The following ANKS4B variants were observed in gnomAD, a reference collection of about 807,000 sequenced individuals.
The protein encoded by ANKS4B is ankyrin repeat and SAM domain-containing protein 4B.
A neutral mutation model predicts 20.2 loss-of-function variants in ANKS4B; 21 were observed. The ratio of observed to expected loss-of-function variants is 1.04; its 90% CI spans 0.74 to 1.50. The LOEUF (loss-of-function observed/expected upper bound fraction) is 1.50, where lower values mean the gene tolerates loss of function less well. Among genes scored for constraint, ANKS4B ranks in the 40% most tolerant of loss-of-function variants. The pLI is 0.00. For synonymous variants in ANKS4B, 179 were observed against 194.5 expected (o/e 0.92, Z 0.66); for missense variants, 473 against 494.6 (o/e 0.96, Z 0.41).
At position 21,250,940 on chromosome 16, in the gene ANKS4B, G is replaced by A; in HGVS notation, c.*120G>A. 7.1e-7 allele frequency: 1 copy of A among 1,402,000 alleles called. No individual in the cohort carries two copies. The highest frequency in any genetic ancestry group is 9.6e-7 in the Non-Finnish European group (1 of 1,046,202). 86.8% of individuals were successfully genotyped at this position (1,402,000 alleles called of 1,614,324 possible). On this transcript the variant is annotated 3_prime_UTR_variant, in exon 2 of 2. Coordinates refer to ENST00000311620, the MANE Select transcript of ANKS4B (RefSeq NM_145865.3). The stretch of plus-strand genomic sequence containing the variant: ...GAATGGATTCTAGGGCATCGGAAAT[G>A]CCTACCTGAGAGAGAGACCCAAACT...
rs757608549 is a variant in ANKS4B, at chr16:21,250,369, G to A, written c.803G>A (p.Arg268His). 9.3e-6 allele frequency: 15 copies of A among 1,614,070 alleles called. No homozygotes were observed. Among genetic ancestry groups the A allele is most frequent in the South Asian group, 6.6e-5 (6 of 91,076 alleles). ...GTGCACCATGAATCCATTCTCAATCGTCCAGGTCTAGGAAGTATTGTTTTT... is the reference window on the plus strand; with the variant it reads ...GTGCACCATGAATCCATTCTCAATCATCCAGGTCTAGGAAGTATTGTTTTT... ...GSVHHESILN[R>H]PGLGSIVFRR... is the part of the protein sequence containing the mutation. Residue 268 changes from arginine (R) to histidine (H), a missense_variant, in exon 2 of 2, where the codon CGT (arginine) becomes CAT (histidine). By Grantham distance (29) the Arg-to-His change is conservative. Transcript: ENST00000311620.
At chr16:21,243,587 T>G (rs1331757129) in intron 1 of ANKS4B, among the ~76,000 whole-genome samples, 1 of 152,198 alleles carries the variant, frequency 6.6e-6, no homozygotes, top group African/African-American at 2.4e-5. Flanking sequence ...TTGTTTTGTT[T>G]TTGAGACGGA....
At chr16:21,249,461 A>G (rs1209390049) in intron 1 of ANKS4B, among the ~76,000 whole-genome samples, 3 of 152,170 alleles carry the variant, frequency 2.0e-5, no homozygotes, top group African/African-American at 7.2e-5. Context: ...TGGGAGATAG[A>G]GTGAGAACCT....
intron 1 of ANKS4B, among the ~76,000 whole-genome samples, chr16:21,237,146 A>T (rs2093321175): frequency 6.6e-6 from 1 of 152,000 alleles, no homozygotes; most frequent in South Asian, 2.1e-4. Flanking sequence ...TCAGCCTCCT[A>T]AGTAGCTGGG....
rs1401076431 is a variant in ANKS4B, at chr16:21,251,678, G to GGTA, written c.*858_*859insGTA. The GGTA allele has an allele frequency of 6.6e-6, 1 of 152,146 alleles. No individual in the cohort carries two copies. Among genetic ancestry groups the GGTA allele is most frequent in the African/African-American group, 2.4e-5 (1 of 41,408 alleles). 9.4% of individuals were successfully genotyped at this position (152,146 alleles called of 1,614,324 possible). A position where few individuals can be genotyped will look rare whatever the true frequency, so the allele number is the denominator to read the frequency against. ...CTAACCCTTTAACAAATGTGTACATGTTTACAAGTAATGGAAATGCGTCTA... is the reference window on the plus strand; with the variant it reads ...CTAACCCTTTAACAAATGTGTACATGGTATTTACAAGTAATGGAAATGCGTCTA... On this transcript the variant is annotated 3_prime_UTR_variant, in exon 2 of 2. Transcript: ENST00000311620.
Position 21,250,028 on chromosome 16 carries a change from G to T in ANKS4B, c.462G>T (p.Gln154His), listed in dbSNP as rs369326714. 1 of 1,614,138 alleles carries T rather than the reference G, an allele frequency of 6.2e-7. No individual in the cohort carries two copies. The change falls in exon 2 of 2, where the codon CAG becomes CAT. Residue 154 changes from glutamine (Q) to histidine (H), a missense_variant. Physicochemically the swap from Gln to His is conservative, Grantham distance 24. Transcript: ENST00000311620. ...RRQIKECERL[Q>H]EKHQNKMAHT... is the part of the protein sequence containing the mutation. ...AGATCAAAGAGTGTGAGAGGCTCCAGGAGAAGCACCAAAATAAGATGGCCC... is the reference window on the plus strand; with the variant it reads ...AGATCAAAGAGTGTGAGAGGCTCCATGAGAAGCACCAAAATAAGATGGCCC...
intron 1 of ANKS4B, among the ~76,000 whole-genome samples, chr16:21,237,130 C>T (rs1447509461): frequency 2.0e-5 from 3 of 152,100 alleles, no homozygotes; most frequent in Non-Finnish European, 4.4e-5. Context: ...GAGCAATTTT[C>T]CTGCCTCAGC....
At chr16:21,233,937 G>T (rs767745521) in intron 1 of ANKS4B, 36 bp downstream of exon 1, 1 of 1,579,504 alleles carries the variant, frequency 6.3e-7, no homozygotes, top group South Asian at 1.2e-5. Flanking sequence ...TGGAAACAGT[G>T]TTCATGGTAG....
chr16:21,252,922 G>C lies in ANKS4B; in HGVS notation c.*2102G>C, dbSNP rs1473473823. 6.6e-6 allele frequency: 1 copy of C among 151,754 alleles called. No individual in the cohort carries two copies. 9.4% of individuals were successfully genotyped at this position (151,754 alleles called of 1,614,324 possible). On this transcript the variant is annotated 3_prime_UTR_variant, in exon 2 of 2. Coordinates refer to ENST00000311620, the MANE Select transcript of ANKS4B (RefSeq NM_145865.3). ...GCCTGTAATCCCAGCTACTTGGGAG[G>C]CTGAGGCAAGAGAATTGCTTGAACC...
chr16:21,234,521 C>CA (rs71151624), intron 1 of ANKS4B, among the ~76,000 whole-genome samples: 21,074 of 149,296 alleles, frequency 0.14, 1,884 homozygotes, highest in East Asian at 0.43. Flanking sequence ...CACACACACA[C>CA]CCCATCTCTT....
At chr16:21,247,151 C>T (rs148317937) in intron 1 of ANKS4B, among the ~76,000 whole-genome samples, 2 of 150,910 alleles carry the variant, frequency 1.3e-5, no homozygotes, top group South Asian at 2.1e-4. Flanking sequence ...CTGCAACCTC[C>T]GCCTCCGGGG....
intron 1 of ANKS4B, among the ~76,000 whole-genome samples, chr16:21,243,641 A>G (rs372003215): frequency 2.6e-5 from 4 of 151,976 alleles, no homozygotes; most frequent in Admixed American, 6.6e-5. Flanking sequence ...GTGTGATCTC[A>G]GCTCACTGCA....
At chr16:21,244,543 A>G (rs1178687151) in intron 1 of ANKS4B, among the ~76,000 whole-genome samples, 1 of 145,132 alleles carries the variant, frequency 6.9e-6, no homozygotes, top group African/African-American at 2.5e-5. Flanking sequence ...TCCTCCCAAT[A>G]ATTTTGTTTT....
chr16:21,250,198 A>C lies in ANKS4B; in HGVS notation c.632A>C (p.Lys211Thr), dbSNP rs1411918511. The C allele has an allele frequency of 6.2e-7, 1 of 1,614,204 alleles. No homozygotes were observed. Among genetic ancestry groups the C allele is most frequent in the Non-Finnish European group, 8.5e-7 (1 of 1,180,028 alleles). The change falls in exon 2 of 2, where the codon AAG (lysine) becomes ACG (threonine). Residue 211 changes from lysine (K) to threonine (T), a missense_variant. Coordinates refer to ENST00000311620, the MANE Select transcript of ANKS4B (RefSeq NM_145865.3). ...GACACTTTCAAGATCAAGTTCAAGA[A>C]GAACAAAGATACAGCAGAACAGGTG... ...IKDTFKIKFK[K>T]NKDTAEQVGK...
chr16:21,236,038 T>G (rs2093319874), intron 1 of ANKS4B, among the ~76,000 whole-genome samples: 1 of 152,190 alleles, frequency 6.6e-6, no homozygotes, highest in South Asian at 2.1e-4. Flanking sequence ...AGGAAATGCC[T>G]GGGCCTAGGT....
rs2093336629 is a variant in ANKS4B, at chr16:21,249,874, A to G, written c.308A>G (p.Asp103Gly). 2 of 1,614,050 alleles carry G rather than the reference A, an allele frequency of 1.2e-6. No individual in the cohort carries two copies. Among genetic ancestry groups the G allele is most frequent in the African/African-American group, 2.7e-5 (2 of 74,916 alleles). ...GATAATGACTTACAGACTCCACTGG[A>G]TGCTGCTGCCAGCAGGGAGCAGAAT... Reference protein sequence around the residue: ...ALDNDLQTPLDAAASREQNEC... With the variant: ...ALDNDLQTPLGAAASREQNEC... The change falls in exon 2 of 2, where the codon GAT becomes GGT. Residue 103 changes from aspartate to glycine, a missense_variant. Physicochemically the swap from Asp to Gly is moderately conservative, Grantham distance 94. Transcript: ENST00000311620.
rs550965040 is a variant in ANKS4B at position 21,249,866 on chromosome 16, T to G, written c.300T>G (p.Thr100=). Residue 100 remains threonine, a synonymous_variant, in exon 2 of 2, where the codon ACT becomes ACG. Coordinates refer to ENST00000311620, the MANE Select transcript of ANKS4B (RefSeq NM_145865.3). ...NIFALDNDLQ[T]PLDAAASREQ... ...TTGCCCTGGATAATGACTTACAGAC[T>G]CCACTGGATGCTGCTGCCAGCAGGG... 1 of 1,614,144 alleles carries G rather than the reference T, an allele frequency of 6.2e-7. No individual in the cohort carries two copies. Among genetic ancestry groups the G allele is most frequent in the African/African-American group, 1.3e-5 (1 of 75,030 alleles).
chr16:21,250,258 T>C lies in ANKS4B; in HGVS notation c.692T>C (p.Met231Thr), dbSNP rs781320911. 7 of 1,614,050 alleles carry C rather than the reference T, an allele frequency of 4.3e-6. No individual in the cohort carries two copies. Among genetic ancestry groups the C allele is most frequent in the Admixed American group, 3.3e-5 (2 of 59,998 alleles). ...GGCAGAAGTGGGCAGAGGAACGTGA[T>C]GGAAGTGTTCAGAGAGGAAGAGGAA... Reference protein sequence around the residue: ...KEGRSGQRNVMEVFREEEEDS... With the variant: ...KEGRSGQRNVTEVFREEEEDS... The change falls in exon 2 of 2, where the codon ATG (methionine) becomes ACG (threonine). Residue 231 changes from methionine to threonine, a missense_variant. Met to Thr is a moderately conservative substitution (Grantham distance 81). Coordinates refer to ENST00000311620, the MANE Select transcript of ANKS4B (RefSeq NM_145865.3).
chr16:21,238,191 C>T lies in ANKS4B; in HGVS notation c.164+4290C>T, dbSNP rs2093322507. Among the ~76,000 whole-genome samples, 6 of 152,136 alleles carry T rather than the reference C, an allele frequency of 3.9e-5. 1 individual carries two copies. In the South Asian group the frequency reaches 1.2e-3, roughly 32 times the overall value. On this transcript the variant is annotated intron_variant, in intron 1 of 1. Coordinates refer to ENST00000311620, the MANE Select transcript of ANKS4B (RefSeq NM_145865.3). The stretch of plus-strand genomic sequence containing the variant: ...TCTCAAAAAACAAAACAAAACAAAA[C>T]AAAATGATACACCAGTGTGGCTTTA...
Sources: gnomAD v4.1 joint callset for allele counts (sites outside exome capture counted in the v4.1 genomes callset) on GRCh38, gnomAD v4.1.1 for gene constraint, MANE v1.5 for transcripts, NCBI Gene and HGNC (gene_info 2026-07-23, HGNC 2026-07-21) for gene names.